The following ZNF217 variants were observed in gnomAD, a reference collection of about 807,000 sequenced individuals.
ZNF217 encodes zinc finger protein 217.
Under a neutral mutation model 73.3 loss-of-function variants are expected in ZNF217, and 12 were observed. The observed-to-expected ratio is 0.16, with a 90% confidence interval of 0.10 to 0.27. ZNF217 has a LOEUF of 0.27. Among genes scored for constraint, ZNF217 ranks in the 10% least tolerant of loss-of-function variants. ZNF217 has a pLI of 1.00. For synonymous variants in ZNF217, 588 were observed against 516.4 expected, an observed-to-expected ratio of 1.14 and a Z score of -1.88; for missense variants, 1,195 against 1,327.8, an observed-to-expected ratio of 0.90 and a Z score of 1.55.
chr20:53,569,757 T>C (rs1405416886), intron 5 of ZNF217, among the ~76,000 whole-genome samples: 3 of 152,120 alleles, frequency 2.0e-5, no homozygotes, highest in Non-Finnish European at 4.4e-5. Flanking sequence ...GCTGCGAACT[T>C]TGGAGCTACT....
intron 3 of ZNF217, among the ~76,000 whole-genome samples, chr20:53,578,093 CAG>C (rs1280873279): frequency 2.6e-5 from 4 of 151,870 alleles, no homozygotes; most frequent in African/African-American, 7.2e-5. Flanking sequence ...GCCGAGGTGA[CAG>C]AGCAAGACTC....
intron 1 of ZNF217, among the ~76,000 whole-genome samples, chr20:53,584,894 GA>G (rs1988635038): frequency 6.6e-6 from 1 of 152,024 alleles, no homozygotes; most frequent in Non-Finnish European, 1.5e-5. Flanking sequence ...ACATACCCTA[GA>G]AAAACAGTTA....
At chr20:53,593,205 G>A (rs1262919950) in intron 1 of ZNF217, among the ~76,000 whole-genome samples, 2 of 152,114 alleles carry the variant, frequency 1.3e-5, no homozygotes, top group African/African-American at 2.4e-5. Flanking sequence ...CGGTCCCTTA[G>A]AGGCGCCCTC....
At position 53,569,120 on chromosome 20, in the gene ZNF217, A is replaced by G; in HGVS notation, c.*168T>C. On this transcript the variant is annotated 3_prime_UTR_variant, in exon 6 of 6. Transcript: ENST00000371471. ...ACAAAAGTTAACAGAACAACTTTAC[A>G]CAACTGTAGTGTTCCTTGCAGATTC... The G allele has an allele frequency of 3.8e-6, 5 of 1,312,588 alleles. No homozygotes were observed. Among genetic ancestry groups the G allele is most frequent in the Non-Finnish European group, 5.0e-6 (5 of 997,568 alleles). 81.3% of individuals were successfully genotyped at this position (1,312,588 alleles called of 1,614,324 possible). A position where few individuals can be genotyped will look rare whatever the true frequency, so the allele number is the denominator to read the frequency against.
At chr20:53,573,799 G>A (rs1446063837) in intron 4 of ZNF217, among the ~76,000 whole-genome samples, 2 of 152,166 alleles carry the variant, frequency 1.3e-5, no homozygotes, top group East Asian at 1.9e-4. Flanking sequence ...TGCTGGGCAT[G>A]GTGGCTCATG....
At chr20:53,591,501 T>C (rs1402093176) in intron 1 of ZNF217, among the ~76,000 whole-genome samples, 2 of 152,254 alleles carry the variant, frequency 1.3e-5, no homozygotes, top group African/African-American at 4.8e-5. Flanking sequence ...GACAACTGTA[T>C]TTTAAATAAC....
rs571463891 is a variant in ZNF217 at position 53,572,468 on chromosome 20, C to T, written c.3038-615G>A. ...TGACTTGCAACACACAGAGCCTTTTCCCCCTTTAAGTAAAGACAAAGTTTT... is the reference window on the plus strand; with the variant it reads ...TGACTTGCAACACACAGAGCCTTTTTCCCCTTTAAGTAAAGACAAAGTTTT... On this transcript the variant is annotated intron_variant, in intron 4 of 5. Transcript: ENST00000371471. Among the ~76,000 whole-genome samples, 41 of 151,946 alleles carry T rather than the reference C, an allele frequency of 2.7e-4. 1 individual carries two copies. The highest frequency in any genetic ancestry group is 9.4e-4 in the African/African-American group (39 of 41,428).
chr20:53,581,497 C>G lies in ZNF217; in HGVS notation c.1330G>C (p.Gly444Arg). The G allele has an allele frequency of 6.2e-7, 1 of 1,612,858 alleles. No individual in the cohort carries two copies. The highest frequency in any genetic ancestry group is 8.5e-7 in the Non-Finnish European group (1 of 1,179,040). Reference protein sequence around the residue: ...VDRGEGGSEDGSEDGLPEGIH... With the variant: ...VDRGEGGSEDRSEDGLPEGIH... The stretch of plus-strand genomic sequence containing the variant: ...CCTTCGGGAAGCCCATCCTCAGATC[C>G]GTCTTCAGAACCACCTTCCCCTCGA... The change falls in exon 2 of 6, where the codon GGA (glycine) becomes CGA (arginine). Residue 444 changes from glycine (G) to arginine (R), a missense_variant. By Grantham distance (125) the Gly-to-Arg change is moderately radical. Transcript: ENST00000371471. The surrounding 1 kb of genome is among the most constrained non-coding windows in gnomAD (Gnocchi z 4.9).
Position 53,581,853 on chromosome 20 carries a change from T to C in ZNF217, c.974A>G (p.Asp325Gly). The change falls in exon 2 of 6, where the codon GAC (aspartate) becomes GGC (glycine). Residue 325 changes from aspartate (D) to glycine (G), a missense_variant. Asp to Gly is a moderately conservative substitution (Grantham distance 94). Coordinates refer to ENST00000371471, the MANE Select transcript of ZNF217 (RefSeq NM_006526.3). This position sits in a 1 kb window ranked among gnomAD's most constrained non-coding sequence, Gnocchi z 4.9. ...ESGQEGSTDN[D>G]DSSSEKELGE... ...AAGCTCCTTCTCGGAACTCGAATCG[T>C]CGTTGTCGGTGCTCCCTTCTTGCCC... 6.2e-7 allele frequency: 1 copy of C among 1,614,234 alleles called. No individual in the cohort carries two copies. Among genetic ancestry groups the C allele is most frequent in the Non-Finnish European group, 8.5e-7 (1 of 1,180,048 alleles).
intron 4 of ZNF217, chr20:53,572,601 C>G (rs191158497): frequency 6.6e-6 from 1 of 152,226 alleles, no homozygotes; most frequent in East Asian, 1.9e-4. Flanking sequence ...ACTGGAGTGT[C>G]TGAAAGCAAT....
intron 1 of ZNF217, among the ~76,000 whole-genome samples, chr20:53,586,804 C>T (rs1280886919): frequency 2.6e-5 from 4 of 152,168 alleles, no homozygotes; most frequent in Non-Finnish European, 5.9e-5. Context: ...CAAGCCTTCC[C>T]AGAAGCCTCC....
intron 3 of ZNF217, among the ~76,000 whole-genome samples, chr20:53,577,910 G>A (rs925357895): frequency 3.3e-5 from 5 of 152,178 alleles, no homozygotes; most frequent in African/African-American, 7.2e-5. Flanking sequence ...TCAGGAGTTC[G>A]AAACCAGCCT....
chr20:53,580,972 C>A (rs1162573009), intron 2 of ZNF217, among the ~76,000 whole-genome samples: 1 of 152,166 alleles, frequency 6.6e-6, no homozygotes, highest in Non-Finnish European at 1.5e-5. Context: ...CCAGATAATT[C>A]TTTGATGATG....
In ZNF217 at chr20:53,582,107, T is replaced by A; in HGVS notation, c.720A>T (p.Lys240Asn). Residue 240 changes from lysine to asparagine, a missense_variant, in exon 2 of 6, where the codon AAA becomes AAT. Transcript: ENST00000371471. This position sits in a 1 kb window ranked among gnomAD's most constrained non-coding sequence, Gnocchi z 4.8. ...SLIEHRKVHT[K>N]KTAFGTSSAQ... Reference sequence around the variant, plus strand: ...CGCTGCTGGTACCGAAAGCAGTTTTTTTGGTGTGCACCTTGCGGTGCTCAA... The same window carrying A: ...CGCTGCTGGTACCGAAAGCAGTTTTATTGGTGTGCACCTTGCGGTGCTCAA... The A allele has an allele frequency of 6.2e-7, 1 of 1,614,202 alleles. No homozygotes were observed. Among genetic ancestry groups the A allele is most frequent in the Non-Finnish European group, 8.5e-7 (1 of 1,180,024 alleles).
rs1987840266 is a variant in ZNF217 at position 53,568,484 on chromosome 20, G to A, written c.*804C>T. On this transcript the variant is annotated 3_prime_UTR_variant, in exon 6 of 6. Coordinates refer to ENST00000371471, the MANE Select transcript of ZNF217 (RefSeq NM_006526.3). ...TGCTCTACAGAGAAAATGCTTGTCT[G>A]TAGACACACTCTCTTAAAAATCCTA... 2 of 152,156 alleles carry A rather than the reference G, an allele frequency of 1.3e-5. No individual in the cohort carries two copies. Among genetic ancestry groups the A allele is most frequent in the Non-Finnish European group, 2.9e-5 (2 of 68,036 alleles). The allele number at this position is 152,156 out of a possible 1,614,324, so 9.4% of individuals were successfully genotyped here. A position where few individuals can be genotyped will look rare whatever the true frequency, so the allele number is the denominator to read the frequency against.
chr20:53,571,003 C>A (rs1987973888), intron 5 of ZNF217, among the ~76,000 whole-genome samples: 1 of 152,198 alleles, frequency 6.6e-6, no homozygotes, highest in Non-Finnish European at 1.5e-5. Flanking sequence ...GCTTTGCAGG[C>A]CACGTGGTCT....
chr20:53,576,673 G>A lies in ZNF217; in HGVS notation c.2091C>T (p.Cys697=). The change falls in exon 4 of 6, where the codon TGC becomes TGT. Residue 697 remains cysteine (C), a synonymous_variant. Coordinates refer to ENST00000371471, the MANE Select transcript of ZNF217 (RefSeq NM_006526.3). ...LNLSVGALHN[C]PAISLSKSLI... is the part of the protein sequence containing the mutation. ...AACTTTTACTCAAAGAAATTGCCGG[G>A]CAATTGTGAAGAGCCCCCACGGATA... 6.2e-7 allele frequency: 1 copy of A among 1,614,200 alleles called. No individual in the cohort carries two copies. Among genetic ancestry groups the A allele is most frequent in the Admixed American group, 1.7e-5 (1 of 60,020 alleles).
Position 53,576,669 on chromosome 20 carries a change from C to T in ZNF217, c.2095G>A (p.Ala699Thr), listed in dbSNP as rs1988285509. 6.2e-7 allele frequency: 1 copy of T among 1,614,204 alleles called. No individual in the cohort carries two copies. Among genetic ancestry groups the T allele is most frequent in the Admixed American group, 1.7e-5 (1 of 60,028 alleles). ...LSVGALHNCP[A>T]ISLSKSLIPS... The stretch of plus-strand genomic sequence containing the variant: ...ATCAAACTTTTACTCAAAGAAATTG[C>T]CGGGCAATTGTGAAGAGCCCCCACG... The change falls in exon 4 of 6, where the codon GCA (alanine) becomes ACA (threonine). Residue 699 changes from alanine (A) to threonine (T), a missense_variant. By Grantham distance (58) the Ala-to-Thr change is moderately conservative. Transcript: ENST00000371471.
Position 53,592,830 on chromosome 20 carries a change from T to A in ZNF217, c.-343+926A>T, listed in dbSNP as rs575540421. On this transcript the variant is annotated intron_variant, in intron 1 of 5. Transcript: ENST00000371471. ...CCACTCGGCACCTCCTGGCAGAAAC[T>A]TCCCTTAAAAAAAAAAAAAAAGAAA... 5.6e-5 allele frequency among the ~76,000 whole-genome samples: 8 copies of A among 143,520 alleles called. No individual in the cohort carries two copies. The East Asian group carries it at 1.4e-3, about 26-fold the overall frequency. The allele number at this position is 143,520 out of a possible 152,430, so 94.2% of individuals were successfully genotyped here.
Sources: allele counts gnomAD v4.1 joint callset (sites outside exome capture counted in the v4.1 genomes callset), GRCh38; gene constraint gnomAD v4.1.1; non-coding constraint Gnocchi (gnomAD v3.1); transcripts MANE v1.5; gene names NCBI Gene and HGNC (gene_info 2026-07-23, HGNC 2026-07-21).